SPTBN1: variants seen among roughly 807,000 people sequenced by gnomAD.
The protein encoded by SPTBN1 is spectrin beta, non-erythrocytic 1.
SPTBN1 carries 32 observed loss-of-function variants against 266.4 expected under a neutral mutation model. The ratio of observed to expected loss-of-function variants is 0.12; its 90% CI spans 0.09 to 0.16. SPTBN1 has a LOEUF of 0.16. Ranked by LOEUF, SPTBN1 falls within the 10% of genes least tolerant of loss-of-function variation. SPTBN1 has a pLI of 1.00. For missense variants in SPTBN1, 2,296 were observed against 3,067.1 expected (o/e 0.75, Z 5.94); for synonymous variants, 1,336 against 1,162.2 (o/e 1.15, Z -3.04).
chr2:54,565,921 A>G (rs1368620064), intron 2 of SPTBN1, among the ~76,000 whole-genome samples: 1 of 152,260 alleles, frequency 6.6e-6, no homozygotes, highest in African/African-American at 2.4e-5. Flanking sequence ...TAGTACAGCA[A>G]TTCAAGTAAG....
intron 7 of SPTBN1, among the ~76,000 whole-genome samples, chr2:54,620,537 TC>T (rs959236999): frequency 6.6e-6 from 1 of 152,196 alleles, no homozygotes; most frequent in African/African-American, 2.4e-5. Flanking sequence ...CAATTTCACC[TC>T]CTTAGGAGGC....
intron 2 of SPTBN1, among the ~76,000 whole-genome samples, chr2:54,574,603 T>A (rs1368590941): frequency 6.6e-6 from 1 of 152,196 alleles, no homozygotes; most frequent in Admixed American, 6.5e-5. Context: ...CAGTTGCTGA[T>A]AAGCTGCAGC....
At chr2:54,497,151 T>C (rs1216591986) in intron 1 of SPTBN1, among the ~76,000 whole-genome samples, 2 of 152,220 alleles carry the variant, frequency 1.3e-5, no homozygotes, top group East Asian at 1.9e-4. Context: ...GGCTTCCTTC[T>C]TTTTTACCGT....
intron 1 of SPTBN1, among the ~76,000 whole-genome samples, chr2:54,472,022 G>GTTTTGTTT (rs1693950042): frequency 1.5e-5 from 1 of 66,802 alleles, no homozygotes; most frequent in Non-Finnish European, 2.6e-5. Flanking sequence ...CCCTGAAGAT[G>GTTTTGTTT]TTTTTTTTTT....
intron 2 of SPTBN1, among the ~76,000 whole-genome samples, chr2:54,561,908 G>T (rs1673334692): frequency 6.6e-6 from 1 of 150,490 alleles, no homozygotes; most frequent in South Asian, 2.1e-4. Context: ...AGATACAAGA[G>T]TGATGGCTTT....
At chr2:54,600,024 C>T (rs1413288797) in intron 3 of SPTBN1, among the ~76,000 whole-genome samples, 1 of 152,196 alleles carries the variant, frequency 6.6e-6, no homozygotes, top group Non-Finnish European at 1.5e-5. Context: ...CAGAAGCCAA[C>T]GCCCAGAATG....
intron 2 of SPTBN1, among the ~76,000 whole-genome samples, chr2:54,587,521 T>C (rs906999122): frequency 3.9e-5 from 6 of 152,238 alleles, no homozygotes; most frequent in African/African-American, 1.4e-4. Context: ...TCTAAGTTTT[T>C]CCTAACTTTT....
chr2:54,620,682 G>A (rs1677933885), intron 7 of SPTBN1, among the ~76,000 whole-genome samples: 1 of 152,178 alleles, frequency 6.6e-6, no homozygotes, highest in South Asian at 2.1e-4. Flanking sequence ...TGTTTGAGAG[G>A]TAGTAGGCTA....
At chr2:54,485,852 G>A (rs1201714223) in intron 1 of SPTBN1, among the ~76,000 whole-genome samples, 1 of 151,102 alleles carries the variant, frequency 6.6e-6, no homozygotes, top group Admixed American at 6.6e-5. Flanking sequence ...CGCCCTGTCT[G>A]GGATGTGAGG....
rs1572744121 is a variant in SPTBN1 at position 54,645,441 on chromosome 2, G to A, written c.4482G>A (p.Val1494=). ...SKEIHQFNRD[V]EDEILWVGER... ...AGATCCATCAGTTCAACAGGGATGT[G>A]GAGGACGAGATCGTGAGTCGACCCC... is the stretch of plus-strand genomic sequence containing the variant. Residue 1494 remains valine (V), a synonymous_variant, in exon 21 of 36, where the codon GTG becomes GTA. Coordinates refer to ENST00000356805, the MANE Select transcript of SPTBN1 (RefSeq NM_003128.3). The surrounding 1 kb of genome is among the most constrained non-coding windows in gnomAD (Gnocchi z 4.3). The A allele has an allele frequency of 9.9e-6, 16 of 1,614,106 alleles. No individual in the cohort carries two copies. The highest frequency in any genetic ancestry group is 1.4e-5 in the Non-Finnish European group (16 of 1,180,002).
At chr2:54,661,626 C>CA (rs573567275) in intron 32 of SPTBN1, 3 of 985,590 alleles carry the variant, frequency 3.0e-6, no homozygotes, top group Admixed American at 6.2e-5. Flanking sequence ...TCATTTTAGA[C>CA]AAAAAAACTT....
intron 1 of SPTBN1, among the ~76,000 whole-genome samples, chr2:54,509,469 T>C (rs577384823): frequency 6.6e-6 from 1 of 152,342 alleles, no homozygotes; most frequent in African/African-American, 2.4e-5. Context: ...TGAGGGCCTC[T>C]AAAAGTGTTA....
Position 54,661,605 on chromosome 2 carries a change from C to G in SPTBN1, c.6420+1606C>G, listed in dbSNP as rs995984946. On this transcript the variant is annotated intron_variant, in intron 32 of 35. Coordinates refer to ENST00000356805, the MANE Select transcript of SPTBN1 (RefSeq NM_003128.3). ...TCATTATTGGGTCTCTGCCTTAAAA[C>G]ACATCAAAATTCATTTTAGACAAAA... 5.1e-6 allele frequency: 5 copies of G among 985,708 alleles called. No individual in the cohort carries two copies. In the Admixed American group the frequency reaches 3.1e-4, roughly 61 times the overall value. The allele number at this position is 985,708 out of a possible 1,614,324, so 61.1% of individuals were successfully genotyped here. A position where few individuals can be genotyped will look rare whatever the true frequency, so the allele number is the denominator to read the frequency against.
intron 2 of SPTBN1, among the ~76,000 whole-genome samples, chr2:54,559,114 G>C (rs1673097434): frequency 6.6e-6 from 1 of 152,166 alleles, no homozygotes; most frequent in Non-Finnish European, 1.5e-5. Flanking sequence ...TGGCTTTCTA[G>C]GTTGTCAGAT....
intron 30 of SPTBN1, among the ~76,000 whole-genome samples, chr2:54,658,468 C>G (rs1428011420): frequency 6.6e-6 from 1 of 152,146 alleles, no homozygotes; most frequent in Non-Finnish European, 1.5e-5. Flanking sequence ...AGTCCTGATC[C>G]CCTCTTCTGT....
intron 1 of SPTBN1, among the ~76,000 whole-genome samples, chr2:54,506,258 A>AG (rs1209855717): frequency 6.6e-6 from 1 of 152,182 alleles, no homozygotes. Flanking sequence ...GGAGGTTGTG[A>AG]GGAAAGGGCT....
chr2:54,591,900 A>G, intron 2 of SPTBN1, among the ~76,000 whole-genome samples: 1 of 152,198 alleles, frequency 6.6e-6, no homozygotes. Flanking sequence ...GGCTGGGTGC[A>G]GTGGCCCACA....
At chr2:54,634,447 T>A (rs1007975115) in intron 17 of SPTBN1, among the ~76,000 whole-genome samples, 1 of 152,196 alleles carries the variant, frequency 6.6e-6, no homozygotes, top group Non-Finnish European at 1.5e-5. Flanking sequence ...CCCTGTACTA[T>A]CAATAAGCAT....
At chr2:54,609,254 G>A (rs1179446658) in intron 3 of SPTBN1, among the ~76,000 whole-genome samples, 4 of 152,128 alleles carry the variant, frequency 2.6e-5, no homozygotes, top group Admixed American at 1.3e-4. Flanking sequence ...GTCGTCTTCC[G>A]TTAATTCTTC....
Sources: allele counts gnomAD v4.1 joint callset (sites outside exome capture counted in the v4.1 genomes callset), GRCh38; gene constraint gnomAD v4.1.1; non-coding constraint Gnocchi (gnomAD v3.1); transcripts MANE v1.5; gene names NCBI Gene and HGNC (gene_info 2026-07-23, HGNC 2026-07-21).